The following MOV10 variants were observed in gnomAD, a reference collection of about 807,000 sequenced individuals.
MOV10 encodes the protein RNA helicase MOV-10.
MOV10 carries 39 observed loss-of-function variants against 108.4 expected under a neutral mutation model. That is an observed-to-expected ratio of 0.36 (90% CI 0.28 to 0.47). The LOEUF (loss-of-function observed/expected upper bound fraction) is 0.47, where lower values mean the gene tolerates loss of function less well. Among genes scored for constraint, MOV10 ranks in the 20% least tolerant of loss-of-function variants. MOV10 has a pLI of 1.00. For missense variants in MOV10, 952 were observed against 1,297.6 expected (o/e 0.73, Z 4.09); for synonymous variants, 490 against 523.1 (o/e 0.94, Z 0.86).
At position 112,691,813 on chromosome 1, in the gene MOV10, C is replaced by T. The variant is rs1044698686; in HGVS notation, c.971+14C>T. On this transcript the variant is annotated intron_variant, in intron 6 of 20. Transcript: ENST00000369645. ...CGCAGAGATCAAGTAAGTACCATCCCTCTGCACCCCGCACTCTCCCGTCTT... is the reference window on the plus strand; with the variant it reads ...CGCAGAGATCAAGTAAGTACCATCCTTCTGCACCCCGCACTCTCCCGTCTT... 10 of 1,607,894 alleles carry T rather than the reference C, an allele frequency of 6.2e-6. No individual in the cohort carries two copies. The highest frequency in any genetic ancestry group is 7.7e-6 in the Non-Finnish European group (9 of 1,175,126).
At chr1:112,699,266 TAATATGCAGCCAGGGTTGAA>T in intron 17 of MOV10, 1 of 231,246 alleles carries the variant, frequency 4.3e-6, no homozygotes, top group South Asian at 7.9e-5. Context: ...CAGGTGATTC[TAATATGCAGCCAGGGTTGAA>T]AACACTGCTC....
chr1:112,684,353 C>T (rs1570764773), intron 2 of MOV10, among the ~76,000 whole-genome samples: 1 of 148,148 alleles, frequency 6.8e-6, no homozygotes, highest in Non-Finnish European at 1.5e-5. Context: ...CTGCAACCTC[C>T]GCCTCCTGGG....
intron 2 of MOV10, chr1:112,686,864 G>A (rs1673117295): frequency 6.7e-6 from 3 of 447,338 alleles, no homozygotes; most frequent in Admixed American, 4.9e-5. Flanking sequence ...GAATCTTGCC[G>A]CTCTTCTTCT....
At position 112,680,379 on chromosome 1, in the gene MOV10, G is replaced by A. The variant is rs184430742; in HGVS notation, c.137+5330G>A. On this transcript the variant is annotated intron_variant, in intron 2 of 20. Transcript: ENST00000369645. ...AATGTTTTAAAAATACTTTTGGGCC[G>A]GGCGCGGTGGCTCACGCCTGTAATC... Among the ~76,000 whole-genome samples the A allele has an allele frequency of 1.3e-3, 197 of 152,120 alleles. 1 individual carries two copies. Among genetic ancestry groups the A allele is most frequent in the African/African-American group, 4.4e-3 (182 of 41,464 alleles).
chr1:112,693,132 C>T (rs1673735372), intron 7 of MOV10, among the ~76,000 whole-genome samples: 1 of 152,236 alleles, frequency 6.6e-6, no homozygotes, highest in Admixed American at 6.5e-5. Context: ...CTAGTCCAGG[C>T]TTTGCTACCA....
chr1:112,683,673 GTGAGCCT>G (rs1414266359), intron 2 of MOV10, among the ~76,000 whole-genome samples: 3 of 152,114 alleles, frequency 2.0e-5, no homozygotes, highest in Non-Finnish European at 4.4e-5. Flanking sequence ...GTTTCGTATT[GTGAGCCT>G]TTTAAATGTT....
rs1389684474 is a variant in MOV10, at chr1:112,692,897, G to A, written c.1108G>A (p.Val370Met). ...LESVPMTWDP[V>M]DQNPRLLTLE... ...GTCGGTGCCCATGACCTGGGACCCT[G>A]TGGACCAGAACCCCAGGCTGCTCAC... Residue 370 changes from valine to methionine, a missense_variant, in exon 7 of 21, where the codon GTG (valine) becomes ATG (methionine). Around this residue, in one of 5 missense-constraint regions of MOV10, gnomAD observed 18 missense variants for 56.7 expected, o/e 0.32. Coordinates refer to ENST00000369645, the MANE Select transcript of MOV10 (RefSeq NM_001321324.2). 2.9e-5 allele frequency: 46 copies of A among 1,612,752 alleles called. No homozygotes were observed. The highest frequency in any genetic ancestry group is 4.0e-5 in the African/African-American group (3 of 74,900).
At chr1:112,682,507 A>G (rs1245285546) in intron 2 of MOV10, among the ~76,000 whole-genome samples, 1 of 152,236 alleles carries the variant, frequency 6.6e-6, no homozygotes, top group Non-Finnish European at 1.5e-5. Flanking sequence ...GCAAACAGCA[A>G]AATGTTCAAA....
Position 112,696,072 on chromosome 1 carries a change from G to A in MOV10, c.1780-76G>A. 3.1e-6 allele frequency: 3 copies of A among 957,206 alleles called. No homozygotes were observed. The South Asian group carries it at 4.1e-5, about 13-fold the overall frequency. The allele number at this position is 957,206 out of a possible 1,614,324, so 59.3% of individuals were successfully genotyped here. ...AAAAATAAAAATAATTGTTTGAGGG[G>A]GGGTACCCACAGCCAGAATCACGGT... On this transcript the variant is annotated intron_variant, in intron 11 of 20. Coordinates refer to ENST00000369645, the MANE Select transcript of MOV10 (RefSeq NM_001321324.2).
rs530865568 is a variant in MOV10, at chr1:112,700,666, C to T, written c.*159C>T. 2 of 1,534,488 alleles carry T rather than the reference C, an allele frequency of 1.3e-6. No individual in the cohort carries two copies. Among genetic ancestry groups the T allele is most frequent in the South Asian group, 1.2e-5 (1 of 82,072 alleles). ...CCCCCTCCCCTGCTGGGGAGAATGA[C>T]ACATCAAGCTGCTAACAATTGGGGG... On this transcript the variant is annotated 3_prime_UTR_variant, in exon 21 of 21. Transcript: ENST00000369645.
Position 112,698,407 on chromosome 1 carries a change from C to T in MOV10, c.2437C>T (p.Pro813Ser). The part of the protein sequence containing the change: ...VTSYLKLLLA[P>S]SSKKGKARLS... Reference sequence around the variant, plus strand: ...TTCCTACCTGAAGCTGCTCCTGGCCCCCTCCTCCAAGAAGGGCAAAGCTCG... The same window carrying T: ...TTCCTACCTGAAGCTGCTCCTGGCCTCCTCCTCCAAGAAGGGCAAAGCTCG... Residue 813 changes from proline (P) to serine (S), a missense_variant, in exon 16 of 21, where the codon CCC becomes TCC. Physicochemically the swap from Pro to Ser is moderately conservative, Grantham distance 74 (BLOSUM62 -1). Transcript: ENST00000369645. 1 of 1,614,204 alleles carries T rather than the reference C, an allele frequency of 6.2e-7. No homozygotes were observed.
At chr1:112,689,269 G>T in intron 3 of MOV10, 131 bp downstream of exon 3, 1 of 1,222,150 alleles carries the variant, frequency 8.2e-7, no homozygotes. Context: ...TGGGGGAAGG[G>T]CAGGGAACTG....
intron 16 of MOV10, 74 bp downstream of exon 16, chr1:112,698,552 G>C (rs763654613): frequency 6.5e-6 from 10 of 1,528,874 alleles, no homozygotes; most frequent in Non-Finnish European, 8.9e-6. Flanking sequence ...AGACCACTAG[G>C]CAGAGGCTCC....
In MOV10 at chr1:112,698,098, G is replaced by T. The variant is rs755150534; in HGVS notation, c.2303G>T (p.Gly768Val). ...CGAGAACGCTTCTGCCGCTGGGCGG[G>T]CCTACCTCGACAGGTGAGGCTGAGC... ...VDRERFCRWA[G>V]LPRQGFPIIF... Residue 768 changes from glycine (G) to valine (V), a missense_variant, in exon 15 of 21, where the codon GGC becomes GTC. Physicochemically the swap from Gly to Val is moderately radical, Grantham distance 109. Around this residue, in one of 5 missense-constraint regions of MOV10, gnomAD observed 453 missense variants for 611.5 expected, o/e 0.74. Transcript: ENST00000369645. 6 of 1,613,948 alleles carry T rather than the reference G, an allele frequency of 3.7e-6. No homozygotes were observed. The highest frequency in any genetic ancestry group is 5.1e-6 in the Non-Finnish European group (6 of 1,180,020).
intron 2 of MOV10, among the ~76,000 whole-genome samples, chr1:112,677,274 G>T (rs1354424514): frequency 1.3e-5 from 2 of 151,164 alleles, no homozygotes; most frequent in Non-Finnish European, 2.9e-5. Context: ...TGACTATTTT[G>T]GAGTGTTATA....
rs759585071 is a variant in MOV10, at chr1:112,695,576, TA to T, written c.1779+3del. The T allele has an allele frequency of 6.2e-7, 1 of 1,613,418 alleles. No homozygotes were observed. The highest frequency in any genetic ancestry group is 1.1e-5 in the South Asian group (1 of 91,024). On this transcript the variant is annotated splice_donor_region_variant and intron_variant, in intron 11 of 20. Coordinates refer to ENST00000369645, the MANE Select transcript of MOV10 (RefSeq NM_001321324.2). ...CGCATGGTACCTGAGGACATCAAGG[TA>T]CTAGGGAAGTGCAGAGGGCCAAAGA...
chr1:112,675,141 A>T lies in MOV10; in HGVS notation c.137+92A>T. Reference sequence around the variant, plus strand: ...GGCCACCTTTCCCGCCCCGGGGCGCAGAGGGACGCAGCTCCCCCAGCGGCT... The same window carrying T: ...GGCCACCTTTCCCGCCCCGGGGCGCTGAGGGACGCAGCTCCCCCAGCGGCT... On this transcript the variant is annotated intron_variant, in intron 2 of 20. Coordinates refer to ENST00000369645, the MANE Select transcript of MOV10 (RefSeq NM_001321324.2). This position sits in a 1 kb window ranked among gnomAD's most constrained non-coding sequence, Gnocchi z 4.7. 1 of 1,449,444 alleles carries T rather than the reference A, an allele frequency of 6.9e-7. No individual in the cohort carries two copies. The allele number at this position is 1,449,444 out of a possible 1,614,324, so 89.8% of individuals were successfully genotyped here. A position where few individuals can be genotyped will look rare whatever the true frequency, so the allele number is the denominator to read the frequency against.
chr1:112,693,702 C>A, intron 7 of MOV10: 1 of 149,720 alleles, frequency 6.7e-6, no homozygotes, highest in Non-Finnish European at 1.4e-5. Context: ...ATTTTTTTAG[C>A]AACCCGATTA....
At chr1:112,679,455 T>C (rs1338934409) in intron 2 of MOV10, among the ~76,000 whole-genome samples, 2 of 152,240 alleles carry the variant, frequency 1.3e-5, no homozygotes, top group Non-Finnish European at 2.9e-5. Flanking sequence ...TGTTATTGTA[T>C]TTGCATTATC....
Sources: gnomAD v4.1 joint callset for allele counts (sites outside exome capture counted in the v4.1 genomes callset) on GRCh38, gnomAD v4.1.1 for gene constraint, gnomAD v4.1.1 regional missense constraint, Gnocchi (gnomAD v3.1) non-coding constraint, MANE v1.5 for transcripts, NCBI Gene and HGNC (gene_info 2026-07-23, HGNC 2026-07-21) for gene names.